LRRC4C: variants seen among roughly 807,000 people sequenced by gnomAD.
LRRC4C encodes the protein leucine-rich repeat-containing protein 4C.
Under a neutral mutation model 33.6 loss-of-function variants are expected in LRRC4C, and 5 were observed. That is an observed-to-expected ratio of 0.15 (90% confidence interval 0.08 to 0.31). LRRC4C has a LOEUF of 0.31. LRRC4C is among the 10% of genes least tolerant of loss of function. The pLI, the probability that LRRC4C is intolerant of heterozygous loss-of-function variation, is 1.00. For missense variants in LRRC4C, 560 were observed against 796.7 expected, an observed-to-expected ratio of 0.70 and a Z score of 3.58; for synonymous variants, 329 against 302.0, an observed-to-expected ratio of 1.09 and a Z score of -0.93.
intron 1 of LRRC4C, among the ~76,000 whole-genome samples, chr11:41,059,521 C>T (rs1216290539): frequency 6.6e-6 from 1 of 152,012 alleles, no homozygotes; most frequent in Non-Finnish European, 1.5e-5. Flanking sequence ...TTTTTCATGA[C>T]ATTTTGTGTC....
At chr11:40,529,261 TA>T (rs1490399872) in intron 3 of LRRC4C, among the ~76,000 whole-genome samples, 9 of 152,090 alleles carry the variant, frequency 5.9e-5, no homozygotes, top group Non-Finnish European at 1.3e-4. Context: ...GGTATATGCA[TA>T]CGTCCAAACT....
At chr11:40,458,727 A>C (rs1952249748) in intron 3 of LRRC4C, among the ~76,000 whole-genome samples, 1 of 152,202 alleles carries the variant, frequency 6.6e-6, no homozygotes, top group Admixed American at 6.6e-5. Context: ...AAGAGAATCT[A>C]GAATTTCAAA....
intron 2 of LRRC4C, among the ~76,000 whole-genome samples, chr11:40,747,224 A>G (rs1196661608): frequency 6.6e-6 from 1 of 152,166 alleles, no homozygotes. Context: ...CTGGAGTACC[A>G]GTCCTGAGGA....
rs116102431 is a variant in LRRC4C at position 41,151,255 on chromosome 11, A to T, written c.-495-217532T>A. ...CTCCTCAGCTTAGTTCACACTAACA[A>T]ACAACATTGTCAGCTAAATACTAAT... On this transcript the variant is annotated intron_variant, in intron 1 of 6. Coordinates refer to ENST00000528697, the MANE Select transcript of LRRC4C (RefSeq NM_001258419.2). 7.3e-3 allele frequency among the ~76,000 whole-genome samples: 1,105 copies of T among 152,328 alleles called. 9 individuals are homozygous for T. Among genetic ancestry groups the T allele is most frequent in the African/African-American group, 0.025 (1,033 of 41,566 alleles).
Position 40,114,463 on chromosome 11 carries a change from T to A in LRRC4C, c.1830A>T (p.Thr610=). 6.2e-7 allele frequency: 1 copy of A among 1,614,170 alleles called. No individual in the cohort carries two copies. Among genetic ancestry groups the A allele is most frequent in the Non-Finnish European group, 8.5e-7 (1 of 1,180,018 alleles). ...SYKSPFNHTT[T]VNTINSIHSS... Reference sequence around the variant, plus strand: ...TGTGTATTGAATTTATTGTGTTAACTGTTGTTGTGTGGTTGAAGGGAGATT... The same window carrying A: ...TGTGTATTGAATTTATTGTGTTAACAGTTGTTGTGTGGTTGAAGGGAGATT... Residue 610 remains threonine (T), a synonymous_variant, in exon 7 of 7, where the codon ACA becomes ACT. Coordinates refer to ENST00000528697, the MANE Select transcript of LRRC4C (RefSeq NM_001258419.2).
chr11:40,898,143 T>C (rs1162215781), intron 2 of LRRC4C, among the ~76,000 whole-genome samples: 1 of 151,542 alleles, frequency 6.6e-6, no homozygotes, highest in Admixed American at 6.6e-5. Context: ...TCACCTGAGG[T>C]CGGGAGTTCG....
intron 2 of LRRC4C, among the ~76,000 whole-genome samples, chr11:40,686,705 T>C (rs567887717): frequency 3.9e-5 from 6 of 152,222 alleles, no homozygotes; most frequent in African/African-American, 1.4e-4. Context: ...ATTTAATTCA[T>C]CTTACAAGAG....
intron 3 of LRRC4C, among the ~76,000 whole-genome samples, chr11:40,527,526 G>C (rs1363386913): frequency 6.6e-6 from 1 of 152,098 alleles, no homozygotes; most frequent in Non-Finnish European, 1.5e-5. Context: ...TGCTATAGGA[G>C]GAGGCAAGTT....
At chr11:41,283,025 T>C (rs1206298808) in intron 1 of LRRC4C, among the ~76,000 whole-genome samples, 1 of 152,212 alleles carries the variant, frequency 6.6e-6, no homozygotes, top group Non-Finnish European at 1.5e-5. Flanking sequence ...TTAATTTTTT[T>C]CTCACTCTTC....
chr11:40,418,292 TG>T (rs1045408750), intron 3 of LRRC4C, among the ~76,000 whole-genome samples: 7 of 151,956 alleles, frequency 4.6e-5, no homozygotes, highest in Non-Finnish European at 1.0e-4. Flanking sequence ...CATTAAAAAG[TG>T]GCAAAGGAAA....
intron 3 of LRRC4C, among the ~76,000 whole-genome samples, chr11:40,501,917 C>G (rs1954795238): frequency 6.6e-6 from 1 of 152,158 alleles, no homozygotes; most frequent in Non-Finnish European, 1.5e-5. Flanking sequence ...CTTTTATGCT[C>G]TGCTTCACTT....
intron 1 of LRRC4C, among the ~76,000 whole-genome samples, chr11:41,238,276 G>T (rs190869267): frequency 3.5e-4 from 53 of 152,146 alleles, no homozygotes; most frequent in African/African-American, 1.2e-3. Context: ...ACCTCTTTAG[G>T]CTAACCAGAG....
intron 3 of LRRC4C, among the ~76,000 whole-genome samples, chr11:40,408,453 G>A: frequency 6.6e-6 from 1 of 151,746 alleles, no homozygotes; most frequent in East Asian, 1.9e-4. Context: ...AAGTTGTAAA[G>A]TTATTTATAT....
intron 5 of LRRC4C, among the ~76,000 whole-genome samples, chr11:40,220,322 C>T (rs890562586): frequency 6.6e-6 from 1 of 152,142 alleles, no homozygotes. Flanking sequence ...GAGTTGAGCA[C>T]TTCATTTGAT....
chr11:41,287,118 CAG>C (rs903459171), intron 1 of LRRC4C, among the ~76,000 whole-genome samples: 1 of 152,140 alleles, frequency 6.6e-6, no homozygotes, highest in African/African-American at 2.4e-5. Flanking sequence ...AAATTAATGA[CAG>C]AGCATAAAAC....
intron 1 of LRRC4C, among the ~76,000 whole-genome samples, chr11:41,171,939 T>C (rs1305235123): frequency 6.6e-5 from 10 of 152,046 alleles, no homozygotes; most frequent in Non-Finnish European, 1.5e-4. Context: ...CACCTCATTA[T>C]GTACGTTTCT....
At chr11:40,451,341 A>G (rs1339902790) in intron 3 of LRRC4C, among the ~76,000 whole-genome samples, 1 of 143,052 alleles carries the variant, frequency 7.0e-6, no homozygotes, top group Non-Finnish European at 1.5e-5. Flanking sequence ...GAGTGACATT[A>G]CTATTAGCCT....
intron 2 of LRRC4C, among the ~76,000 whole-genome samples, chr11:40,751,997 T>C (rs1948712189): frequency 6.6e-6 from 1 of 151,986 alleles, no homozygotes; most frequent in Non-Finnish European, 1.5e-5. Context: ...ACATACACTG[T>C]AGAAAAGACA....
chr11:40,486,173 G>C (rs913703188), intron 3 of LRRC4C, among the ~76,000 whole-genome samples: 8 of 147,464 alleles, frequency 5.4e-5, no homozygotes, highest in Admixed American at 4.7e-4. Flanking sequence ...AAAAAAAAAG[G>C]AGCCAGAGTT....
Sources: allele counts gnomAD v4.1 joint callset (sites outside exome capture counted in the v4.1 genomes callset), GRCh38; gene constraint gnomAD v4.1.1; transcripts MANE v1.5; gene names NCBI Gene and HGNC (gene_info 2026-07-23, HGNC 2026-07-21).